ECRG4: variants seen among roughly 807,000 people sequenced by gnomAD.
ECRG4 encodes augurin.
Under a neutral mutation model 15.8 loss-of-function variants are expected in ECRG4, and 18 were observed. That is an observed-to-expected ratio of 1.14 (90% CI 0.79 to 1.69). The LOEUF is 1.69. Among genes scored for constraint, ECRG4 ranks in the 40% most tolerant of loss-of-function variants. ECRG4 has a pLI of 0.00. For synonymous variants in ECRG4, 82 were observed against 73.9 expected (o/e 1.11, Z -0.56); for missense variants, 200 against 190.9 (o/e 1.05, Z -0.28).
At chr2:106,073,048 C>G (rs1254109313) in intron 2 of ECRG4, among the ~76,000 whole-genome samples, 2 of 152,154 alleles carry the variant, frequency 1.3e-5, no homozygotes, top group Admixed American at 1.3e-4. Flanking sequence ...TCCATACGAC[C>G]AACGAATGCA....
chr2:106,072,285 TG>T lies in ECRG4; in HGVS notation c.127+398del, dbSNP rs1483171773. 5.3e-5 allele frequency: 9 copies of T among 168,882 alleles called. No individual in the cohort carries two copies. The Admixed American group carries it at 5.5e-4, about 10-fold the overall frequency. The allele number at this position is 168,882 out of a possible 1,614,324, so 10.5% of individuals were successfully genotyped here. On this transcript the variant is annotated intron_variant, in intron 2 of 3. Coordinates refer to ENST00000238044, the MANE Select transcript of ECRG4 (RefSeq NM_032411.3). Reference sequence around the variant, plus strand: ...GTAGTCCGTGTATCCAAAGAGCTCTTGGGGAAGGGTTTCAAACAGGAAAGCC... The same window carrying T: ...GTAGTCCGTGTATCCAAAGAGCTCTTGGGAAGGGTTTCAAACAGGAAAGCC...
chr2:106,071,874 T>A lies in ECRG4; in HGVS notation c.110T>A (p.Met37Lys). The A allele has an allele frequency of 6.2e-7, 1 of 1,613,884 alleles. No individual in the cohort carries two copies. The highest frequency in any genetic ancestry group is 1.1e-5 in the South Asian group (1 of 91,038). Residue 37 changes from methionine (M) to lysine (K), a missense_variant, in exon 2 of 4, where the codon ATG becomes AAG. By Grantham distance (95) the Met-to-Lys change is moderately conservative (BLOSUM62 -1). Transcript: ENST00000238044. ...ATAAGTGGAAATAAACTCAAGCTGATGCTTCAAAAACGAGAAGGTAAATAT... is the reference window on the plus strand; with the variant it reads ...ATAAGTGGAAATAAACTCAAGCTGAAGCTTCAAAAACGAGAAGGTAAATAT... ...GGISGNKLKLMLQKREAPVPT... is the reference protein window; with the variant it reads ...GGISGNKLKLKLQKREAPVPT...
At chr2:106,065,532 C>G, upstream of ECRG4, 1 of 367,674 alleles carries the variant, frequency 2.7e-6, no homozygotes, top group Non-Finnish European at 4.8e-6. Context: ...GGCTGCGTTC[C>G]CCTTGGGGCC....
chr2:106,064,086 T>C (rs575014501), upstream of ECRG4, among the ~76,000 whole-genome samples: 51 of 152,320 alleles, frequency 3.3e-4, no homozygotes, highest in African/African-American at 1.1e-3. Context: ...CAAAAGTAAA[T>C]ATATGCCTGG....
rs368171903 is a variant in ECRG4, at chr2:106,066,486, G to A, written c.79+643G>A. ...GGGTGCTCCGATATCTGATCGCTGG[G>A]CTCCACAGGCCCCACTTTAGGAACC... On this transcript the variant is annotated intron_variant, in intron 1 of 3. Transcript: ENST00000238044. Among the ~76,000 whole-genome samples the A allele has an allele frequency of 1.1e-4, 16 of 152,320 alleles. No homozygotes were observed. In the East Asian group the frequency reaches 3.1e-3, roughly 29 times the overall value.
Position 106,077,932 on chromosome 2 carries a change from A to C in ECRG4, c.*6A>C. ...TCAACTACGATGACTACTAACCATG[A>C]CTTGCCACACGCTGTACAAGAAGCA... On this transcript the variant is annotated 3_prime_UTR_variant, in exon 4 of 4. Coordinates refer to ENST00000238044, the MANE Select transcript of ECRG4 (RefSeq NM_032411.3). 2 of 1,613,396 alleles carry C rather than the reference A, an allele frequency of 1.2e-6. No individual in the cohort carries two copies. The highest frequency in any genetic ancestry group is 1.7e-6 in the Non-Finnish European group (2 of 1,179,700).
chr2:106,064,259 G>C (rs1676155772), upstream of ECRG4: 1 of 152,080 alleles, frequency 6.6e-6, no homozygotes, highest in African/African-American at 2.4e-5. Context: ...TTCTTTGGTT[G>C]GCCACCATCT....
At chr2:106,068,624 A>G (rs1357834685) in intron 1 of ECRG4, among the ~76,000 whole-genome samples, 3 of 152,232 alleles carry the variant, frequency 2.0e-5, no homozygotes, top group African/African-American at 7.2e-5. Context: ...TTTCAACATC[A>G]GACCACATTT....
chr2:106,074,212 G>A (rs1676435077), intron 3 of ECRG4, 169 bp downstream of exon 3: 3 of 743,676 alleles, frequency 4.0e-6, no homozygotes. Flanking sequence ...GTTACCTATG[G>A]TGTAAGGGCG....
chr2:106,072,013 GT>G, intron 2 of ECRG4, 122 bp downstream of exon 2: 1 of 776,258 alleles, frequency 1.3e-6, no homozygotes, highest in Non-Finnish European at 2.2e-6. Context: ...TCCTTAAAAG[GT>G]TAGCAGATAT....
At chr2:106,077,651 G>A (rs1203863359) in intron 3 of ECRG4, 114 bp from the exon 4 acceptor site, 1 of 918,516 alleles carries the variant, frequency 1.1e-6, no homozygotes, top group Non-Finnish European at 1.7e-6. Flanking sequence ...GTTACTAAGG[G>A]TTGTTAATCG....
At chr2:106,073,819 G>T in intron 2 of ECRG4, 67 bp from the exon 3 acceptor site, 2 of 1,581,910 alleles carry the variant, frequency 1.3e-6, no homozygotes, top group Non-Finnish European at 1.7e-6. Context: ...TGTATAACAG[G>T]GATTCACCGC....
intron 3 of ECRG4, among the ~76,000 whole-genome samples, chr2:106,074,691 C>T (rs1168569991): frequency 6.6e-6 from 1 of 152,218 alleles, no homozygotes; most frequent in African/African-American, 2.4e-5. Context: ...GCCGCATGGG[C>T]ATCCATCCAT....
At chr2:106,069,773 G>T (rs1395741726) in intron 1 of ECRG4, among the ~76,000 whole-genome samples, 1 of 152,208 alleles carries the variant, frequency 6.6e-6, no homozygotes, top group Non-Finnish European at 1.5e-5. Flanking sequence ...CTTCAAGTGA[G>T]ATGATGTGAA....
rs1175566448 is a variant in ECRG4 at position 106,073,926 on chromosome 2, T to C, written c.168T>C (p.Asn56=). The C allele has an allele frequency of 8.7e-6, 14 of 1,614,104 alleles. No individual in the cohort carries two copies. The highest frequency in any genetic ancestry group is 1.3e-5 in the African/African-American group (1 of 74,928). Residue 56 remains asparagine (N), a synonymous_variant, in exon 3 of 4, where the codon AAT becomes AAC. Transcript: ENST00000238044. The part of the protein sequence containing the change: ...PTKTKVAVDE[N]KAKEFLGSLK... ...AGACTAAAGTGGCCGTTGATGAGAA[T>C]AAAGCCAAAGAATTCCTTGGCAGCC...
intron 1 of ECRG4, among the ~76,000 whole-genome samples, chr2:106,067,060 G>GGGGGGGC (rs1676234467): frequency 2.1e-5 from 1 of 48,294 alleles, no homozygotes; most frequent in African/African-American, 7.1e-5. Flanking sequence ...TTGGGAGGCC[G>GGGGGGGC]GGGGGGGGGG....
At chr2:106,071,300 C>A (rs1353195627) in intron 1 of ECRG4, among the ~76,000 whole-genome samples, 1 of 113,910 alleles carries the variant, frequency 8.8e-6, no homozygotes, top group Non-Finnish European at 1.6e-5. Flanking sequence ...TCTTGAGACC[C>A]TCTCAGTGAT....
chr2:106,069,152 C>CT (rs1429331790), intron 1 of ECRG4, among the ~76,000 whole-genome samples: 1 of 116,780 alleles, frequency 8.6e-6, no homozygotes, highest in Non-Finnish European at 1.8e-5. Flanking sequence ...TCTTTCTTTT[C>CT]TTTCTTTCTT....
intron 2 of ECRG4, 48 bp from the exon 3 acceptor site, chr2:106,073,838 A>G: frequency 6.3e-7 from 1 of 1,596,704 alleles, no homozygotes; most frequent in Non-Finnish European, 8.5e-7. Context: ...GCAAGTGAGG[A>G]AGGAAGTCAT....
Sources: allele counts gnomAD v4.1 joint callset (sites outside exome capture counted in the v4.1 genomes callset), GRCh38; gene constraint gnomAD v4.1.1; transcripts MANE v1.5; gene names NCBI Gene and HGNC (gene_info 2026-07-23, HGNC 2026-07-21).